Variants in ARFGEF3 observed in about 807,000 individuals in gnomAD.
The protein encoded by ARFGEF3 is brefeldin A-inhibited guanine nucleotide-exchange protein 3.
A neutral mutation model predicts 221.7 loss-of-function variants in ARFGEF3; 96 were observed. The observed-to-expected ratio is 0.43, with a 90% CI of 0.37 to 0.51. The LOEUF (loss-of-function observed/expected upper bound fraction) is 0.51, where lower values mean the gene tolerates loss of function less well. Among genes scored for constraint, ARFGEF3 ranks in the 20% least tolerant of loss-of-function variants. ARFGEF3 has a pLI of 0.00. For missense variants in ARFGEF3, 2,410 were observed against 2,789.9 expected (o/e 0.86, Z 3.07); for synonymous variants, 1,145 against 1,126.8 (o/e 1.02, Z -0.32).
chr6:138,168,674 ATGT>A (rs1488574287), intron 1 of ARFGEF3, among the ~76,000 whole-genome samples: 1 of 152,206 alleles, frequency 6.6e-6, no homozygotes, highest in African/African-American at 2.4e-5. Context: ...GTCAGGGAAG[ATGT>A]TGAGATTCTC....
intron 2 of ARFGEF3, among the ~76,000 whole-genome samples, chr6:138,177,267 T>G (rs1185606720): frequency 2.0e-5 from 3 of 148,480 alleles, no homozygotes; most frequent in African/African-American, 7.5e-5. Context: ...TTCTGTATTT[T>G]TTGTTTGTTT....
chr6:138,254,121 AG>A, intron 9 of ARFGEF3, 137 bp downstream of exon 9: 1 of 589,452 alleles, frequency 1.7e-6, no homozygotes, highest in Non-Finnish European at 2.8e-6. Context: ...TTAGAGGGAA[AG>A]CAGGGAAATT....
At chr6:138,322,136 A>C (rs1283111912) in intron 29 of ARFGEF3, among the ~76,000 whole-genome samples, 1 of 152,168 alleles carries the variant, frequency 6.6e-6, no homozygotes, top group Non-Finnish European at 1.5e-5. Context: ...GGCCTCGTCC[A>C]ATCAGTTGAA....
intron 8 of ARFGEF3, among the ~76,000 whole-genome samples, chr6:138,247,260 C>G (rs1778500731): frequency 6.6e-6 from 1 of 152,210 alleles, no homozygotes; most frequent in African/African-American, 2.4e-5. Context: ...GGAGCTGGCA[C>G]TCAGATTACC....
At chr6:138,180,758 G>A (rs7754256) in intron 2 of ARFGEF3, among the ~76,000 whole-genome samples, 8,265 of 152,260 alleles carry the variant, frequency 0.054, 677 homozygotes, top group African/African-American at 0.18. Flanking sequence ...AAGTGAGCAA[G>A]GGCTTGTTCT....
chr6:138,300,400 G>A (rs1375710495), intron 22 of ARFGEF3, among the ~76,000 whole-genome samples: 3 of 152,050 alleles, frequency 2.0e-5, no homozygotes, highest in Non-Finnish European at 4.4e-5. Context: ...CAATAAGAGT[G>A]AACTAGGTAA....
chr6:138,184,466 G>A (rs982553117), intron 2 of ARFGEF3, among the ~76,000 whole-genome samples: 15 of 152,244 alleles, frequency 9.9e-5, no homozygotes, highest in African/African-American at 2.6e-4. Flanking sequence ...AGGTTTCCCC[G>A]CTCCTGTGCT....
rs1359689035 is a variant in ARFGEF3 at position 138,162,077 on chromosome 6, G to A, written c.-10G>A. 2 of 1,576,660 alleles carry A rather than the reference G, an allele frequency of 1.3e-6. No individual in the cohort carries two copies. Among genetic ancestry groups the A allele is most frequent in the South Asian group, 1.1e-5 (1 of 88,246 alleles). On this transcript the variant is annotated 5_prime_UTR_variant, in exon 1 of 34. Coordinates refer to ENST00000251691, the MANE Select transcript of ARFGEF3 (RefSeq NM_020340.5). The surrounding 1 kb of genome is among the most constrained non-coding windows in gnomAD (Gnocchi z 4.7). ...CCTGTGGGCGGCGGCCCGGCGCCTG[G>A]AAGGTCAAGATGGAAGAAATCCTGA...
rs1780380976 is a variant in ARFGEF3, at chr6:138,339,007, C to T, written c.*2521C>T. The T allele has an allele frequency of 6.6e-6, 1 of 152,006 alleles. No homozygotes were observed. The highest frequency in any genetic ancestry group is 6.6e-5 in the Admixed American group (1 of 15,254). 9.4% of individuals were successfully genotyped at this position (152,006 alleles called of 1,614,324 possible). Reference sequence around the variant, plus strand: ...ATGAGTAGGTGTACAGAGCTCTTGACCTACAATTTTTTAAGAGTGTTTTGG... The same window carrying T: ...ATGAGTAGGTGTACAGAGCTCTTGATCTACAATTTTTTAAGAGTGTTTTGG... On this transcript the variant is annotated 3_prime_UTR_variant, in exon 34 of 34. Coordinates refer to ENST00000251691, the MANE Select transcript of ARFGEF3 (RefSeq NM_020340.5).
chr6:138,255,821 G>A (rs1156622733), intron 10 of ARFGEF3, 52 bp downstream of exon 10: 19 of 1,398,650 alleles, frequency 1.4e-5, no homozygotes, highest in East Asian at 2.5e-5. Flanking sequence ...CCTGACCAGC[G>A]TTTCGCATAC....
At chr6:138,259,946 G>A (rs948669207) in intron 10 of ARFGEF3, among the ~76,000 whole-genome samples, 10 of 152,076 alleles carry the variant, frequency 6.6e-5, no homozygotes, top group Non-Finnish European at 1.3e-4. Context: ...TATTACCAGT[G>A]AATATCTAAT....
chr6:138,195,422 A>G (rs1199975741), intron 2 of ARFGEF3, among the ~76,000 whole-genome samples: 6 of 152,166 alleles, frequency 3.9e-5, no homozygotes, highest in African/African-American at 1.4e-4. Context: ...TGTTGGGGGA[A>G]AGTTCTTTCC....
intron 2 of ARFGEF3, among the ~76,000 whole-genome samples, chr6:138,191,312 G>A (rs1777300340): frequency 6.6e-6 from 1 of 152,124 alleles, no homozygotes; most frequent in Non-Finnish European, 1.5e-5. Flanking sequence ...ATATCACATA[G>A]CGTGTTAATG....
In ARFGEF3 at chr6:138,280,164, G is replaced by A. The variant is rs1358926255; in HGVS notation, c.2461G>A (p.Asp821Asn). The change falls in exon 14 of 34, where the codon GAT becomes AAT. Residue 821 changes from aspartate (D) to asparagine (N), a missense_variant and splice_region_variant. Around this residue, in one of 5 missense-constraint regions of ARFGEF3, gnomAD observed 594 missense variants for 734.3 expected, o/e 0.81. Coordinates refer to ENST00000251691, the MANE Select transcript of ARFGEF3 (RefSeq NM_020340.5). ...NSLPLITMLT[D>N]IDGLESSAIG... ...CCTTCCCCTCATCACAATGCTGACC[G>A]GTCAGTGGTTCGTTGCAAGGCCTTG... 8 of 1,613,100 alleles carry A rather than the reference G, an allele frequency of 5.0e-6. No individual in the cohort carries two copies. Among genetic ancestry groups the A allele is most frequent in the Admixed American group, 1.7e-5 (1 of 59,918 alleles).
intron 8 of ARFGEF3, among the ~76,000 whole-genome samples, chr6:138,248,475 C>T (rs1001033054): frequency 4.6e-5 from 7 of 152,164 alleles, no homozygotes; most frequent in Admixed American, 4.6e-4. Flanking sequence ...TGTTACTTCA[C>T]AAGCAAGGGA....
chr6:138,168,327 A>G (rs934076139), intron 1 of ARFGEF3, among the ~76,000 whole-genome samples: 2 of 152,232 alleles, frequency 1.3e-5, no homozygotes, highest in South Asian at 2.1e-4. Flanking sequence ...TAGGGTATTC[A>G]CGGAAAACCT....
chr6:138,251,599 C>G (rs573661849), intron 8 of ARFGEF3, among the ~76,000 whole-genome samples: 1 of 152,242 alleles, frequency 6.6e-6, no homozygotes, highest in South Asian at 2.1e-4. Flanking sequence ...AGGACCCTTC[C>G]TGATCGGGCC....
rs1777638787 is a variant in ARFGEF3, at chr6:138,207,132, T to G, written c.219+9T>G. The G allele has an allele frequency of 6.2e-7, 1 of 1,605,384 alleles. No homozygotes were observed. The stretch of plus-strand genomic sequence containing the variant: ...CTTTGGCAGGGATGCAGGTATGGCT[T>G]TGACTGAATGCAATGGGATGATAGA... On this transcript the variant is annotated intron_variant, in intron 3 of 33. Coordinates refer to ENST00000251691, the MANE Select transcript of ARFGEF3 (RefSeq NM_020340.5).
chr6:138,260,103 G>A (rs1375458643), intron 10 of ARFGEF3, among the ~76,000 whole-genome samples: 1 of 152,128 alleles, frequency 6.6e-6, no homozygotes, highest in African/African-American at 2.4e-5. Context: ...GGGGCTGCAG[G>A]CCTGTAGAGA....
Sources: allele counts gnomAD v4.1 joint callset (sites outside exome capture counted in the v4.1 genomes callset), GRCh38; gene constraint gnomAD v4.1.1; regional missense constraint gnomAD v4.1.1; non-coding constraint Gnocchi (gnomAD v3.1); transcripts MANE v1.5; gene names NCBI Gene and HGNC (gene_info 2026-07-23, HGNC 2026-07-21).